FARP2: variants seen among roughly 807,000 people sequenced by gnomAD.
FARP2 encodes the protein FERM, ARH/RhoGEF and pleckstrin domain protein 2.
Under a neutral mutation model 130.5 loss-of-function variants are expected in FARP2, and 111 were observed. The ratio of observed to expected loss-of-function variants is 0.85; its 90% CI spans 0.73 to 1.00. The LOEUF is 1.00. FARP2 is among the 50% of genes least tolerant of loss of function. The pLI is 0.00. For missense variants in FARP2, 1,385 were observed against 1,346.3 expected (o/e 1.03, Z -0.45); for synonymous variants, 504 against 516.9 (o/e 0.98, Z 0.34).
intron 1 of FARP2, 134 bp from the exon 2 acceptor site, chr2:241,372,950 G>A (rs182756891): frequency 6.9e-5 from 29 of 422,882 alleles, no homozygotes; most frequent in African/African-American, 5.7e-4. Flanking sequence ...TTCTTTTGAC[G>A]TGATTAAGAC....
At chr2:241,409,498 G>GTGGTAGCGCCAC (rs2062459180) in intron 5 of FARP2, among the ~76,000 whole-genome samples, 1 of 152,184 alleles carries the variant, frequency 6.6e-6, no homozygotes, top group Non-Finnish European at 1.5e-5. Flanking sequence ...GCAGTGAGCT[G>GTGGTAGCGCCAC]TGGTAGCGCC....
chr2:241,449,758 G>C (rs1233233538), intron 13 of FARP2, among the ~76,000 whole-genome samples: 1 of 152,142 alleles, frequency 6.6e-6, no homozygotes, highest in Non-Finnish European at 1.5e-5. Context: ...CAGCACTTTG[G>C]GAGGCGAAGG....
At chr2:241,428,910 C>T (rs80250636) in intron 8 of FARP2, among the ~76,000 whole-genome samples, 5,050 of 152,214 alleles carry the variant, frequency 0.033, 506 homozygotes, top group Admixed American at 0.19. Flanking sequence ...TACAAACATG[C>T]GGTCTGTTGT....
intron 1 of FARP2, among the ~76,000 whole-genome samples, chr2:241,368,001 C>T (rs900443429): frequency 1.3e-5 from 2 of 151,896 alleles, no homozygotes; most frequent in Non-Finnish European, 2.9e-5. Context: ...CTACTGTCAA[C>T]ATTTGTCACT....
chr2:241,402,772 T>A (rs2062203317), intron 2 of FARP2, among the ~76,000 whole-genome samples: 2 of 136,338 alleles, frequency 1.5e-5, no homozygotes, highest in Non-Finnish European at 3.1e-5. Context: ...GCTCAGGTGA[T>A]CCTCCCACCT....
chr2:241,366,846 C>T (rs1559702977), intron 1 of FARP2, among the ~76,000 whole-genome samples: 2 of 152,028 alleles, frequency 1.3e-5, no homozygotes, highest in African/African-American at 2.4e-5. Flanking sequence ...GGAGTGGTGC[C>T]GTGACTCAGT....
At chr2:241,393,102 C>A (rs9678863) in intron 2 of FARP2, among the ~76,000 whole-genome samples, 1 of 151,796 alleles carries the variant, frequency 6.6e-6, no homozygotes. Flanking sequence ...TCATTGCAAC[C>A]TCTGCCTCCT....
chr2:241,485,018 G>T (rs1461248512), intron 21 of FARP2, among the ~76,000 whole-genome samples: 1 of 152,086 alleles, frequency 6.6e-6, no homozygotes, highest in East Asian at 1.9e-4. Flanking sequence ...CCAAGGACAG[G>T]GGCTCTAATC....
At chr2:241,464,051 G>A in intron 17 of FARP2, 71 bp downstream of exon 17, 2 of 1,308,512 alleles carry the variant, frequency 1.5e-6, no homozygotes, top group South Asian at 1.2e-5. Flanking sequence ...CCGAAGCTGA[G>A]GCCCGTCAGA....
chr2:241,431,519 G>A (rs1353229894), intron 8 of FARP2, among the ~76,000 whole-genome samples, 160 bp from the exon 9 acceptor site: 3 of 152,200 alleles, frequency 2.0e-5, no homozygotes, highest in African/African-American at 7.2e-5. Flanking sequence ...AGATTAATAT[G>A]TTTAGTTATT....
At chr2:241,381,694 T>C (rs2061667132) in intron 2 of FARP2, among the ~76,000 whole-genome samples, 1 of 152,248 alleles carries the variant, frequency 6.6e-6, no homozygotes. Context: ...GAGCTGATGG[T>C]AGAATTACAG....
intron 2 of FARP2, among the ~76,000 whole-genome samples, chr2:241,381,772 C>G (rs1167887862): frequency 6.6e-6 from 1 of 152,152 alleles, no homozygotes; most frequent in Non-Finnish European, 1.5e-5. Flanking sequence ...GTATATTTTT[C>G]AAGTTATATG....
At chr2:241,485,360 A>T in intron 21 of FARP2, among the ~76,000 whole-genome samples, 2 of 89,524 alleles carry the variant, frequency 2.2e-5, no homozygotes, top group Non-Finnish European at 4.4e-5. Context: ...CCTTCCTAGG[A>T]TCTTCCCTCC....
intron 8 of FARP2, among the ~76,000 whole-genome samples, chr2:241,422,414 CAG>C (rs2062834634): frequency 1.3e-5 from 2 of 148,776 alleles, no homozygotes; most frequent in African/African-American, 2.5e-5. Context: ...AAAAAAAAAA[CAG>C]AAAACAACAA....
intron 4 of FARP2, chr2:241,405,537 A>G (rs2062310367): frequency 6.6e-6 from 1 of 152,240 alleles, no homozygotes; most frequent in Non-Finnish European, 1.5e-5. Flanking sequence ...TTATATCAGA[A>G]CAAGGATCTC....
intron 13 of FARP2, among the ~76,000 whole-genome samples, chr2:241,453,258 A>G (rs947618519): frequency 6.6e-6 from 1 of 151,846 alleles, no homozygotes; most frequent in African/African-American, 2.4e-5. Flanking sequence ...TGAACCCAGG[A>G]AGCAGAGGTT....
intron 20 of FARP2, chr2:241,483,852 G>GAT: frequency 2.0e-6 from 2 of 985,464 alleles, no homozygotes; most frequent in Non-Finnish European, 2.4e-6. Context: ...AGGTGCTACT[G>GAT]ATGGCCCAAT....
intron 2 of FARP2, among the ~76,000 whole-genome samples, chr2:241,377,236 A>G (rs2061558102): frequency 6.6e-6 from 1 of 151,718 alleles, no homozygotes; most frequent in Non-Finnish European, 1.5e-5. Flanking sequence ...AAACACTGAC[A>G]TTGTGTGGTG....
At chr2:241,422,448 T>C (rs1365816016) in intron 8 of FARP2, among the ~76,000 whole-genome samples, 1 of 148,380 alleles carries the variant, frequency 6.7e-6, no homozygotes, top group African/African-American at 2.5e-5. Context: ...AAAAAACCCA[T>C]AAAAGCCCCA....
Sources: allele counts gnomAD v4.1 joint callset (sites outside exome capture counted in the v4.1 genomes callset), GRCh38; gene constraint gnomAD v4.1.1; transcripts MANE v1.5; gene names NCBI Gene and HGNC (gene_info 2026-07-23, HGNC 2026-07-21).